Variants in LEKR1 observed in about 807,000 individuals in gnomAD.
LEKR1 encodes the protein protein LEKR1.
In LEKR1, 59 loss-of-function variants were observed where a neutral mutation model predicts 72.4. The ratio of observed to expected loss-of-function variants is 0.82; its 90% confidence interval spans 0.66 to 1.01. The LOEUF is 1.01. LEKR1 is among the 50% of genes least tolerant of loss of function. The pLI is 0.00. For synonymous variants in LEKR1, 257 were observed against 263.2 expected (o/e 0.98, Z 0.23); for missense variants, 728 against 759.2 (o/e 0.96, Z 0.48).
chr3:156,961,820 T>G (rs1330727438), intron 6 of LEKR1, among the ~76,000 whole-genome samples: 1 of 152,202 alleles, frequency 6.6e-6, no homozygotes, highest in African/African-American at 2.4e-5. Context: ...CTTACCTACC[T>G]TAATACATTA....
intron 3 of LEKR1, among the ~76,000 whole-genome samples, chr3:156,860,748 T>C (rs1025833324): frequency 1.3e-5 from 2 of 152,196 alleles, no homozygotes; most frequent in Admixed American, 6.6e-5. Context: ...AGTAAGTGGC[T>C]TAAATGGACA....
chr3:156,839,431 G>A (rs62273919), intron 2 of LEKR1, among the ~76,000 whole-genome samples: 4,746 of 152,282 alleles, frequency 0.031, 109 homozygotes, highest in Non-Finnish European at 0.047. Context: ...AAAGTCATCA[G>A]GCCTGGAACA....
chr3:156,854,411 G>A (rs1245601730), intron 3 of LEKR1, among the ~76,000 whole-genome samples: 2 of 151,988 alleles, frequency 1.3e-5, no homozygotes, highest in African/African-American at 4.8e-5. Context: ...CTCCCAAACT[G>A]TTGGCATTAT....
intron 12 of LEKR1, among the ~76,000 whole-genome samples, chr3:157,042,022 T>C (rs537396052): frequency 1.2e-4 from 18 of 152,318 alleles, no homozygotes; most frequent in African/African-American, 4.3e-4. Context: ...ATATTTCCAT[T>C]GTTTTATTTT....
At chr3:156,891,306 GA>G (rs747404875) in intron 3 of LEKR1, among the ~76,000 whole-genome samples, 2 of 152,090 alleles carry the variant, frequency 1.3e-5, no homozygotes, top group African/African-American at 2.4e-5. Flanking sequence ...ATAAGGGTAA[GA>G]AAAAAGCATG....
At chr3:156,865,970 T>C (rs957809113) in intron 3 of LEKR1, among the ~76,000 whole-genome samples, 6 of 152,082 alleles carry the variant, frequency 3.9e-5, no homozygotes, top group African/African-American at 1.4e-4. Flanking sequence ...GTTTTCCCTT[T>C]TATAATGCTC....
chr3:156,851,003 G>A (rs1259944210), intron 2 of LEKR1, among the ~76,000 whole-genome samples: 1 of 152,150 alleles, frequency 6.6e-6, no homozygotes, highest in African/African-American at 2.4e-5. Context: ...ATCTAAGGTT[G>A]CATTAGAACG....
intron 3 of LEKR1, among the ~76,000 whole-genome samples, chr3:156,859,040 TAA>T (rs1560030819): frequency 6.6e-6 from 1 of 152,194 alleles, no homozygotes; most frequent in Non-Finnish European, 1.5e-5. Context: ...GAGACCGTAT[TAA>T]GAGTTTAATA....
chr3:156,879,292 A>C (rs1370199833), intron 3 of LEKR1, among the ~76,000 whole-genome samples: 1 of 152,182 alleles, frequency 6.6e-6, no homozygotes, highest in Non-Finnish European at 1.5e-5. Flanking sequence ...CGAGAACTGG[A>C]GTAAAGGTTA....
chr3:156,852,676 A>T, intron 2 of LEKR1, 92 bp from the exon 3 acceptor site: 2 of 630,100 alleles, frequency 3.2e-6, no homozygotes, highest in Non-Finnish European at 5.4e-6. Context: ...CTATGTATTT[A>T]CTTCATTCAA....
intron 3 of LEKR1, among the ~76,000 whole-genome samples, chr3:156,875,335 G>A (rs1718429088): frequency 6.6e-6 from 1 of 152,232 alleles, no homozygotes; most frequent in Middle Eastern, 3.4e-3. Context: ...TTTGAGAATG[G>A]TCTATTCATG....
At chr3:156,963,347 C>T (rs1728287798) in intron 6 of LEKR1, among the ~76,000 whole-genome samples, 1 of 152,146 alleles carries the variant, frequency 6.6e-6, no homozygotes, top group Admixed American at 6.5e-5. Flanking sequence ...GGGCACACTC[C>T]TCCCTACACA....
At chr3:156,891,787 A>T (rs998260715) in intron 3 of LEKR1, among the ~76,000 whole-genome samples, 9 of 152,108 alleles carry the variant, frequency 5.9e-5, no homozygotes, top group African/African-American at 2.2e-4. Flanking sequence ...TCTCCAAGAG[A>T]TTTGATGCTT....
chr3:157,013,107 T>C (rs1421654403), intron 10 of LEKR1, among the ~76,000 whole-genome samples: 5 of 152,144 alleles, frequency 3.3e-5, no homozygotes, highest in African/African-American at 1.2e-4. Flanking sequence ...TGTCAATATG[T>C]ACCAAGAGAT....
At chr3:156,997,589 A>G (rs1312291565) in intron 9 of LEKR1, among the ~76,000 whole-genome samples, 1 of 152,208 alleles carries the variant, frequency 6.6e-6, no homozygotes, top group Non-Finnish European at 1.5e-5. Flanking sequence ...TGCTCACCAA[A>G]GGCCAGAGCC....
intron 6 of LEKR1, among the ~76,000 whole-genome samples, chr3:156,947,631 C>CA (rs1726799630): frequency 6.6e-6 from 1 of 151,030 alleles, no homozygotes. Context: ...AGGAGCCTCT[C>CA]AACTCATGAT....
At chr3:156,843,803 C>T (rs887709971) in intron 2 of LEKR1, among the ~76,000 whole-genome samples, 1 of 151,704 alleles carries the variant, frequency 6.6e-6, no homozygotes, top group African/African-American at 2.4e-5. Context: ...AATGTTAGAC[C>T]TAGCATCCTG....
intron 6 of LEKR1, among the ~76,000 whole-genome samples, chr3:156,963,176 A>C (rs1728272638): frequency 6.6e-6 from 1 of 152,208 alleles, no homozygotes; most frequent in South Asian, 2.1e-4. Context: ...GGCACCTGTC[A>C]TAAGATTAAC....
intron 2 of LEKR1, among the ~76,000 whole-genome samples, chr3:156,846,073 T>C (rs940456924): frequency 3.3e-5 from 5 of 152,116 alleles, no homozygotes; most frequent in Non-Finnish European, 7.4e-5. Context: ...TTTGGAGCAG[T>C]TGTAAATATA....
Sources: allele counts gnomAD v4.1 joint callset (sites outside exome capture counted in the v4.1 genomes callset), GRCh38; gene constraint gnomAD v4.1.1; transcripts MANE v1.5; gene names NCBI Gene and HGNC (gene_info 2026-07-23, HGNC 2026-07-21).